CRTAP: variants seen among roughly 807,000 people sequenced by gnomAD.
CRTAP encodes the protein cartilage-associated protein.
CRTAP carries 33 observed loss-of-function variants against 42.7 expected under a neutral mutation model. The ratio of observed to expected loss-of-function variants is 0.77; its 90% CI spans 0.59 to 1.03. The LOEUF is 1.03. CRTAP is among the 50% of genes least tolerant of loss of function. The probability of loss-of-function intolerance (pLI) is 0.00; values close to 1 mark genes in which losing one functional copy is unlikely to be tolerated. For missense variants in CRTAP, 613 were observed against 533.9 expected (o/e 1.15, Z -1.46); for synonymous variants, 243 against 217.7 (o/e 1.12, Z -1.02).
Position 33,130,075 on chromosome 3 carries a change from A to G in CRTAP, c.922+8A>G, listed in dbSNP as rs368259273. 21 of 1,612,838 alleles carry G rather than the reference A, an allele frequency of 1.3e-5. No homozygotes were observed. In the African/African-American group the frequency reaches 2.3e-4, roughly 17 times the overall value. On this transcript the variant is annotated splice_region_variant and intron_variant, in intron 4 of 6. Coordinates refer to ENST00000320954, the MANE Select transcript of CRTAP (RefSeq NM_006371.5). ...AGTTTGCCTATTATAAGTGTAAGTAATCTTCTGTGACATCTTGGGTGAGGC... is the reference window on the plus strand; with the variant it reads ...AGTTTGCCTATTATAAGTGTAAGTAGTCTTCTGTGACATCTTGGGTGAGGC...
intron 3 of CRTAP, among the ~76,000 whole-genome samples, chr3:33,125,350 A>C (rs2030026626): frequency 6.6e-6 from 1 of 152,124 alleles, no homozygotes; most frequent in African/African-American, 2.4e-5. Flanking sequence ...CACTTGAAGA[A>C]TCATTGTGCA....
intron 3 of CRTAP, among the ~76,000 whole-genome samples, chr3:33,129,634 T>C (rs1172087288): frequency 6.8e-6 from 1 of 147,258 alleles, no homozygotes; most frequent in East Asian, 2.0e-4. Context: ...ACCTTCCGGG[T>C]TCACGCCATT....
Position 33,114,067 on chromosome 3 carries a change from C to T in CRTAP, c.-11C>T, listed in dbSNP as rs1474198305. The stretch of plus-strand genomic sequence containing the variant: ...CCTTCGTCCCTTCCTTCCTTCCTTT[C>T]GCCGGGCGCGATGGAGCCGGGGCGC... On this transcript the variant is annotated 5_prime_UTR_variant, in exon 1 of 7. Coordinates refer to ENST00000320954, the MANE Select transcript of CRTAP (RefSeq NM_006371.5). The T allele has an allele frequency of 2.4e-5, 35 of 1,457,146 alleles. No homozygotes were observed. Among genetic ancestry groups the T allele is most frequent in the Non-Finnish European group, 2.9e-5 (32 of 1,110,478 alleles). The allele number at this position is 1,457,146 out of a possible 1,614,324, so 90.3% of individuals were successfully genotyped here. A position where few individuals can be genotyped will look rare whatever the true frequency, so the allele number is the denominator to read the frequency against.
intron 2 of CRTAP, among the ~76,000 whole-genome samples, chr3:33,121,725 G>T (rs1428296387): frequency 1.3e-5 from 2 of 152,150 alleles, no homozygotes; most frequent in Non-Finnish European, 2.9e-5. Context: ...TTAGCCTCAT[G>T]CCTCCACTTG....
intron 5 of CRTAP, among the ~76,000 whole-genome samples, chr3:33,133,794 A>T (rs2030342663): frequency 6.6e-6 from 1 of 152,150 alleles, no homozygotes; most frequent in Non-Finnish European, 1.5e-5. Context: ...AATTCCCTTG[A>T]TAGGCAAACT....
rs866789869 is a variant in CRTAP at position 33,124,570 on chromosome 3, T to G, written c.784T>G (p.Ser262Ala). ...EIKDFKDFYLSIADHYVEVLE... is the reference protein window; with the variant it reads ...EIKDFKDFYLAIADHYVEVLE... ...CAAGGACTTCAAGGATTTCTACCTT[T>G]CCATAGCAGGTTGGTGGTAGGTCAA... The change falls in exon 3 of 7, where the codon TCC becomes GCC. Residue 262 changes from serine (S) to alanine (A), a missense_variant. Transcript: ENST00000320954. 1 of 1,614,224 alleles carries G rather than the reference T, an allele frequency of 6.2e-7. No individual in the cohort carries two copies. Among genetic ancestry groups the G allele is most frequent in the African/African-American group, 1.3e-5 (1 of 75,058 alleles).
At chr3:33,140,582 T>C (rs2030545105) in intron 6 of CRTAP, among the ~76,000 whole-genome samples, 1 of 152,224 alleles carries the variant, frequency 6.6e-6, no homozygotes, top group Non-Finnish European at 1.5e-5. Flanking sequence ...TTCTTCCTTA[T>C]TATCTTTCTG....
At chr3:33,133,261 CTTT>C (rs11316535) in intron 5 of CRTAP, among the ~76,000 whole-genome samples, 131 of 134,464 alleles carry the variant, frequency 9.7e-4, no homozygotes, top group Non-Finnish European at 1.7e-3. Context: ...TTCTCTCTCT[CTTT>C]TTTTTTTTTT....
At chr3:33,130,501 T>C (rs1397311877) in intron 4 of CRTAP, among the ~76,000 whole-genome samples, 1 of 151,516 alleles carries the variant, frequency 6.6e-6, no homozygotes, top group Non-Finnish European at 1.5e-5. Context: ...TTTTCTTTTC[T>C]TTTTTCTTTC....
intron 2 of CRTAP, among the ~76,000 whole-genome samples, chr3:33,122,709 C>CAAAA (rs58820155): frequency 0.029 from 2,562 of 87,374 alleles, 104 homozygotes; most frequent in African/African-American, 0.1. Flanking sequence ...GACTCTGTCT[C>CAAAA]AAAAAAAAAA....
rs1405064021 is a variant in CRTAP at position 33,114,529 on chromosome 3, T to C, written c.452T>C (p.Leu151Pro). Residue 151 changes from leucine to proline, a missense_variant, in exon 1 of 7, where the codon CTG becomes CCG. Transcript: ENST00000320954. ...CAGCGCCGCGAGCCCTACAAGTTCC[T>C]GCAGTTCGCTTACTTCAAGGCAAGT... ...DFQRREPYKF[L>P]QFAYFKANNL... 1 of 1,602,336 alleles carries C rather than the reference T, an allele frequency of 6.2e-7. No individual in the cohort carries two copies. The highest frequency in any genetic ancestry group is 1.7e-5 in the Admixed American group (1 of 59,182).
Position 33,114,445 on chromosome 3 carries a change from A to G in CRTAP, c.368A>G (p.Lys123Arg), listed in dbSNP as rs767456804. 81 of 1,576,986 alleles carry G rather than the reference A, an allele frequency of 5.1e-5. No individual in the cohort carries two copies. In the East Asian group the frequency reaches 1.8e-3, roughly 35 times the overall value. ...CGCGCGCACTGCCTCAAGCGCTGCA[A>G]GCAGGGCCTGCCAGCCTTCCGCCAG... Reference protein sequence around the residue: ...LRRAHCLKRCKQGLPAFRQSQ... With the variant: ...LRRAHCLKRCRQGLPAFRQSQ... Residue 123 changes from lysine (K) to arginine (R), a missense_variant, in exon 1 of 7, where the codon AAG becomes AGG. Coordinates refer to ENST00000320954, the MANE Select transcript of CRTAP (RefSeq NM_006371.5).
At chr3:33,121,955 C>T (rs574938661) in intron 2 of CRTAP, among the ~76,000 whole-genome samples, 2 of 152,218 alleles carry the variant, frequency 1.3e-5, no homozygotes, top group Non-Finnish European at 2.9e-5. Context: ...CTCATGCCTG[C>T]GCATGCCAAT....
chr3:33,133,455 C>T (rs1000925010), intron 5 of CRTAP, among the ~76,000 whole-genome samples: 2 of 151,976 alleles, frequency 1.3e-5, no homozygotes, highest in Non-Finnish European at 2.9e-5. Context: ...GATGGGGTTT[C>T]GCTGGGCTAG....
chr3:33,130,525 C>CTTTTTTTTTTTTTTTTTTTTTTTT (rs765558103), intron 4 of CRTAP, among the ~76,000 whole-genome samples: 57 of 55,270 alleles, frequency 1.0e-3, no homozygotes, highest in Non-Finnish European at 1.3e-3. Flanking sequence ...CTTTTCTTTT[C>CTTTTTTTTTTTTTTTTTTTTTTTT]TTTTTTTTTT....
In CRTAP at chr3:33,144,204, A is replaced by G. The variant is rs1248553991; in HGVS notation, c.*1756A>G. 1.3e-5 allele frequency: 2 copies of G among 152,192 alleles called. No homozygotes were observed. Among genetic ancestry groups the G allele is most frequent in the African/African-American group, 4.8e-5 (2 of 41,446 alleles). 9.4% of individuals were successfully genotyped at this position (152,192 alleles called of 1,614,324 possible). A position where few individuals can be genotyped will look rare whatever the true frequency, so the allele number is the denominator to read the frequency against. ...GCTGAGAGTTTGAATGTGGAGTGTA[A>G]GAGAAGGAAGAGTTAATGATGACAT... is the stretch of plus-strand genomic sequence containing the variant. On this transcript the variant is annotated 3_prime_UTR_variant, in exon 7 of 7. Transcript: ENST00000320954.
In CRTAP at chr3:33,120,243, T is replaced by C. The variant is rs112224582; in HGVS notation, c.472-101T>C. On this transcript the variant is annotated intron_variant, in intron 1 of 6. Coordinates refer to ENST00000320954, the MANE Select transcript of CRTAP (RefSeq NM_006371.5). The stretch of plus-strand genomic sequence containing the variant: ...ATGGAACCTTTAGCTGGAAAAGTTA[T>C]AGCAACACAAAGTTTCTGAAGGACT... 3.6e-5 allele frequency: 39 copies of C among 1,087,348 alleles called. 1 individual carries two copies. The highest frequency in any genetic ancestry group is 1.9e-4 in the African/African-American group (12 of 64,434). 67.4% of individuals were successfully genotyped at this position (1,087,348 alleles called of 1,614,324 possible).
Position 33,124,510 on chromosome 3 carries a change from G to C in CRTAP, c.724G>C (p.Glu242Gln). ...TCCCGACTTCTTCAAAGCCTTTTAC[G>C]AGTGTCTCGCAGCCTGCGAGGGTTC... ...ALPDFFKAFYECLAACEGSRE... is the reference protein window; with the variant it reads ...ALPDFFKAFYQCLAACEGSRE... Residue 242 changes from glutamate to glutamine, a missense_variant, in exon 3 of 7, where the codon GAG becomes CAG. By Grantham distance (29) the Glu-to-Gln change is conservative. Coordinates refer to ENST00000320954, the MANE Select transcript of CRTAP (RefSeq NM_006371.5). 2 of 1,614,202 alleles carry C rather than the reference G, an allele frequency of 1.2e-6. No homozygotes were observed. Among genetic ancestry groups the C allele is most frequent in the Non-Finnish European group, 1.7e-6 (2 of 1,180,046 alleles).
chr3:33,127,324 C>A (rs1009604474), intron 3 of CRTAP, among the ~76,000 whole-genome samples: 1 of 152,018 alleles, frequency 6.6e-6, no homozygotes, highest in Non-Finnish European at 1.5e-5. Flanking sequence ...AAGAATCATA[C>A]AAAGAACTCT....
Sources: allele counts gnomAD v4.1 joint callset (sites outside exome capture counted in the v4.1 genomes callset), GRCh38; gene constraint gnomAD v4.1.1; transcripts MANE v1.5; gene names NCBI Gene and HGNC (gene_info 2026-07-23, HGNC 2026-07-21).